The following AGBL3 variants were observed in gnomAD, a reference collection of about 807,000 sequenced individuals.
AGBL3 encodes the protein cytosolic carboxypeptidase 3.
AGBL3 carries 68 observed loss-of-function variants against 94.5 expected under a neutral mutation model. The ratio of observed to expected loss-of-function variants is 0.72; its 90% CI spans 0.59 to 0.88. The LOEUF is 0.88. Ranked by LOEUF, AGBL3 falls within the 40% of genes least tolerant of loss-of-function variation. The pLI is 0.00. For synonymous variants in AGBL3, 354 were observed against 370.7 expected (o/e 0.95, Z 0.52); for missense variants, 934 against 1,103.8 (o/e 0.85, Z 2.18).
chr7:134,997,307 A>C (rs1023297540), intron 4 of AGBL3, among the ~76,000 whole-genome samples: 45 of 152,300 alleles, frequency 3.0e-4, no homozygotes, highest in Non-Finnish European at 2.9e-5. Context: ...GGTTCCTCAC[A>C]GGCCATAGAC....
chr7:135,095,719 CT>C (rs1175685041), intron 15 of AGBL3, among the ~76,000 whole-genome samples: 1 of 152,164 alleles, frequency 6.6e-6, no homozygotes, highest in Non-Finnish European at 1.5e-5. Context: ...GTCACTGTCA[CT>C]TTTTTTCCCC....
intron 11 of AGBL3, chr7:135,050,975 CTCTTT>C (rs752096977): frequency 2.5e-6 from 1 of 397,818 alleles, no homozygotes; most frequent in Middle Eastern, 3.6e-4. Flanking sequence ...CAGTTTTTTT[CTCTTT>C]TCTTCTCTTC....
chr7:135,089,280 T>G (rs1285684992), intron 15 of AGBL3, among the ~76,000 whole-genome samples: 3 of 152,236 alleles, frequency 2.0e-5, no homozygotes, highest in African/African-American at 7.2e-5. Flanking sequence ...CACTGAATTA[T>G]CTGTCTGTAT....
At chr7:135,115,838 A>C in intron 16 of AGBL3, 3 of 449,478 alleles carry the variant, frequency 6.7e-6, no homozygotes, top group Non-Finnish European at 1.2e-5. Flanking sequence ...GAAACTACTC[A>C]TTAATTTAGA....
chr7:134,991,603 A>T (rs1256280716), intron 3 of AGBL3, among the ~76,000 whole-genome samples: 1 of 152,028 alleles, frequency 6.6e-6, no homozygotes, highest in Non-Finnish European at 1.5e-5. Flanking sequence ...TTCTGTCTGT[A>T]CTGAGAACGC....
chr7:134,990,966 G>C (rs935933663), intron 3 of AGBL3, among the ~76,000 whole-genome samples: 1 of 152,140 alleles, frequency 6.6e-6, no homozygotes, highest in Non-Finnish European at 1.5e-5. Flanking sequence ...ATCCAGTTAG[G>C]TTGAAGCAAT....
At chr7:135,090,831 G>T (rs1412485665) in intron 15 of AGBL3, among the ~76,000 whole-genome samples, 1 of 152,120 alleles carries the variant, frequency 6.6e-6, no homozygotes, top group East Asian at 1.9e-4. Context: ...TGAGGATGTT[G>T]GACCACCAGC....
chr7:135,131,035 T>A (rs1828686226), intron 16 of AGBL3, among the ~76,000 whole-genome samples: 1 of 152,186 alleles, frequency 6.6e-6, no homozygotes, highest in Non-Finnish European at 1.5e-5. Context: ...TTTAGGTGTG[T>A]GTGTCCAGAG....
At chr7:135,049,893 T>C (rs1817719399) in intron 11 of AGBL3, among the ~76,000 whole-genome samples, 2 of 151,832 alleles carry the variant, frequency 1.3e-5, no homozygotes, top group Non-Finnish European at 1.5e-5. Flanking sequence ...TGTTTTTCTA[T>C]TTTCTATTTT....
intron 4 of AGBL3, among the ~76,000 whole-genome samples, chr7:135,000,086 T>C (rs1412498381): frequency 1.3e-5 from 2 of 152,218 alleles, no homozygotes; most frequent in Admixed American, 1.3e-4. Flanking sequence ...CCCAGTAACA[T>C]TGTCCTGTAT....
chr7:135,079,875 T>G (rs954792301), intron 13 of AGBL3, among the ~76,000 whole-genome samples: 2 of 152,182 alleles, frequency 1.3e-5, no homozygotes, highest in Non-Finnish European at 2.9e-5. Context: ...TTGTTCTAAT[T>G]TAAATAAGTG....
intron 15 of AGBL3, among the ~76,000 whole-genome samples, chr7:135,099,591 T>C (rs1390187402): frequency 6.6e-6 from 1 of 152,204 alleles, no homozygotes; most frequent in Non-Finnish European, 1.5e-5. Context: ...GAACTGTACT[T>C]GATTTCTTCT....
intron 16 of AGBL3, among the ~76,000 whole-genome samples, chr7:135,125,621 T>A (rs1476022602): frequency 6.6e-6 from 1 of 152,174 alleles, no homozygotes; most frequent in Non-Finnish European, 1.5e-5. Context: ...ATATTCCTGA[T>A]GAACATCAAT....
In AGBL3 at chr7:134,993,493, CT is replaced by C. The variant is rs1810571248; in HGVS notation, c.126del (p.Asp43ThrfsTer16). On this transcript the variant is annotated frameshift_variant and splice_region_variant, in exon 4 of 17. Coordinates refer to ENST00000436302, the MANE Select transcript of AGBL3 (RefSeq NM_178563.4). LOFTEE classifies it high-confidence loss of function. ...EDLHRCALLT[A>X]DSFGDPFFPR... is the part of the protein sequence containing the mutation. ...GATTGTGTTTGAATCTTTTTCTCAG[CT>C]GACTCTTTTGGTGATCCCTTCTTCC... 1.3e-6 allele frequency: 2 copies of C among 1,534,524 alleles called. No homozygotes were observed. The highest frequency in any genetic ancestry group is 1.8e-6 in the Non-Finnish European group (2 of 1,138,576).
At chr7:135,114,579 T>C (rs1306203650) in intron 15 of AGBL3, among the ~76,000 whole-genome samples, 1 of 151,952 alleles carries the variant, frequency 6.6e-6, no homozygotes, top group Non-Finnish European at 1.5e-5. Context: ...CACTGATTCC[T>C]CTCTTATTCT....
intron 5 of AGBL3, among the ~76,000 whole-genome samples, chr7:135,032,407 C>T (rs556507575): frequency 2.6e-5 from 4 of 151,856 alleles, no homozygotes; most frequent in East Asian, 3.9e-4. Flanking sequence ...CAGGTTCAAG[C>T]GATTCTCCTG....
intron 13 of AGBL3, among the ~76,000 whole-genome samples, chr7:135,077,428 G>A (rs1820557646): frequency 6.6e-6 from 1 of 152,064 alleles, no homozygotes; most frequent in African/African-American, 2.4e-5. Context: ...TCACTTGGAG[G>A]GAAGAGTGCC....
chr7:135,000,426 A>C (rs1305013459), intron 4 of AGBL3, among the ~76,000 whole-genome samples: 1 of 152,140 alleles, frequency 6.6e-6, no homozygotes, highest in Non-Finnish European at 1.5e-5. Context: ...AAAAGGATGG[A>C]GGAAGGGTGA....
At chr7:135,043,996 G>A (rs768961937) in intron 8 of AGBL3, 29 bp from the exon 9 acceptor site, 8 of 1,536,916 alleles carry the variant, frequency 5.2e-6, no homozygotes, top group African/African-American at 4.1e-5. Context: ...CCAGAACAAC[G>A]AGTCTCATTT....
Sources: allele counts gnomAD v4.1 joint callset (sites outside exome capture counted in the v4.1 genomes callset), GRCh38; gene constraint gnomAD v4.1.1; transcripts MANE v1.5; gene names NCBI Gene and HGNC (gene_info 2026-07-23, HGNC 2026-07-21).